Variants in TTC27 observed in about 807,000 individuals in gnomAD.
TTC27 encodes tetratricopeptide repeat domain 27, also known as tetratricopeptide repeat protein 27.
Under a neutral mutation model 115.9 loss-of-function variants are expected in TTC27, and 79 were observed. The observed-to-expected ratio is 0.68, with a 90% CI of 0.57 to 0.82. TTC27 has a LOEUF of 0.82. Among genes scored for constraint, TTC27 ranks in the 40% least tolerant of loss-of-function variants. TTC27 has a pLI of 0.00. For missense variants in TTC27, 1,054 were observed against 993.1 expected, an observed-to-expected ratio of 1.06 and a Z score of -0.82; for synonymous variants, 401 against 356.0, an observed-to-expected ratio of 1.13 and a Z score of -1.42.
At chr2:32,678,206 G>C (rs1176245267) in intron 8 of TTC27, among the ~76,000 whole-genome samples, 3 of 145,560 alleles carry the variant, frequency 2.1e-5, no homozygotes, top group Non-Finnish European at 3.0e-5. Flanking sequence ...AATGAGCCAA[G>C]TGTGTGCCAC....
chr2:32,781,704 C>G (rs918627406), intron 14 of TTC27, among the ~76,000 whole-genome samples: 1 of 152,160 alleles, frequency 6.6e-6, no homozygotes, highest in Non-Finnish European at 1.5e-5. Context: ...TCTTGGCCTC[C>G]TAAAGTGCTG....
chr2:32,667,379 T>C (rs1420506271), intron 7 of TTC27, among the ~76,000 whole-genome samples: 1 of 151,856 alleles, frequency 6.6e-6, no homozygotes, highest in Non-Finnish European at 1.5e-5. Context: ...TTAGTATTTA[T>C]GCATGTGTTT....
intron 19 of TTC27, among the ~76,000 whole-genome samples, chr2:32,820,459 A>G (rs1181351451): frequency 2.0e-5 from 3 of 152,242 alleles, no homozygotes; most frequent in Non-Finnish European, 4.4e-5. Flanking sequence ...TTGAACATAG[A>G]ATATATTTGT....
chr2:32,663,359 T>C, intron 5 of TTC27, among the ~76,000 whole-genome samples: 1 of 152,168 alleles, frequency 6.6e-6, no homozygotes, highest in East Asian at 1.9e-4. Flanking sequence ...AAAAGCTTAG[T>C]ATCTGGGTCA....
chr2:32,805,700 G>A (rs1176028067), intron 16 of TTC27, among the ~76,000 whole-genome samples: 1 of 152,152 alleles, frequency 6.6e-6, no homozygotes, highest in Non-Finnish European at 1.5e-5. Context: ...CCAGCAATGT[G>A]GTGTTACTGT....
intron 15 of TTC27, among the ~76,000 whole-genome samples, chr2:32,785,927 A>T (rs1225119166): frequency 3.4e-5 from 4 of 117,450 alleles, no homozygotes; most frequent in African/African-American, 1.5e-4. Flanking sequence ...CAATACTGAA[A>T]TTTCCAGTTA....
At chr2:32,669,579 T>C (rs925070328) in intron 7 of TTC27, among the ~76,000 whole-genome samples, 8 of 152,034 alleles carry the variant, frequency 5.3e-5, no homozygotes, top group African/African-American at 1.7e-4. Context: ...ACAAAACATA[T>C]CCTGATTGGA....
rs114897131 is a variant in TTC27, at chr2:32,723,349, T to C, written c.1234-10479T>C. Reference sequence around the variant, plus strand: ...GCTCTTGGTGGGGGTGGTTAAAATATAGATCTTCAGCCTAGCCCGCAGAGA... The same window carrying C: ...GCTCTTGGTGGGGGTGGTTAAAATACAGATCTTCAGCCTAGCCCGCAGAGA... On this transcript the variant is annotated intron_variant, in intron 10 of 19. Transcript: ENST00000317907. 2.5e-3 allele frequency among the ~76,000 whole-genome samples: 380 copies of C among 152,232 alleles called. 1 individual carries two copies. The highest frequency in any genetic ancestry group is 8.7e-3 in the African/African-American group (361 of 41,552).
In TTC27 at chr2:32,758,493, C is replaced by T. The variant is rs201317794; in HGVS notation, c.1654C>T (p.Arg552Cys). The T allele has an allele frequency of 7.2e-5, 117 of 1,614,140 alleles. No homozygotes were observed. Among genetic ancestry groups the T allele is most frequent in the South Asian group, 2.6e-4 (24 of 91,080 alleles). Reference sequence around the variant, plus strand: ...TCAAGAGTGTGTAGAGTGCTTCGAACGCTCGGTTAAGATTAATCCCATGCA... The same window carrying T: ...TCAAGAGTGTGTAGAGTGCTTCGAATGCTCGGTTAAGATTAATCCCATGCA... The part of the protein sequence containing the change: ...EFQECVECFE[R>C]SVKINPMQLG... Residue 552 changes from arginine (R) to cysteine (C), a missense_variant, in exon 13 of 20, where the codon CGC becomes TGC. By Grantham distance (180) the Arg-to-Cys change is radical. Coordinates refer to ENST00000317907, the MANE Select transcript of TTC27 (RefSeq NM_017735.5).
rs1451380264 is a variant in TTC27 at position 32,723,722 on chromosome 2, C to G, written c.1234-10106C>G. Among the ~76,000 whole-genome samples, 14 of 96,954 alleles carry G rather than the reference C, an allele frequency of 1.4e-4. 1 individual carries two copies. Among genetic ancestry groups the G allele is most frequent in the Admixed American group, 1.3e-3 (12 of 9,584 alleles). 63.6% of individuals were successfully genotyped at this position (96,954 alleles called of 152,430 possible). ...TCCCTCCCTCCCTCCCTCCCTCCCT[C>G]CCTCCCTCCTTCCTTCCTTCCTTCC... On this transcript the variant is annotated intron_variant, in intron 10 of 19. Transcript: ENST00000317907.
At position 32,628,073 on chromosome 2, in the gene TTC27, C is replaced by G. The variant is rs952488675; in HGVS notation, c.-220C>G. The G allele has an allele frequency of 9.2e-6, 5 of 542,522 alleles. No individual in the cohort carries two copies. Among genetic ancestry groups the G allele is most frequent in the Non-Finnish European group, 1.6e-5 (5 of 305,708 alleles). The allele number at this position is 542,522 out of a possible 1,614,324, so 33.6% of individuals were successfully genotyped here. On this transcript the variant is annotated 5_prime_UTR_variant, in exon 1 of 20. Coordinates refer to ENST00000317907, the MANE Select transcript of TTC27 (RefSeq NM_017735.5). ...TTCTTCTCCTAGGCGGAAGCCAGAC[C>G]AGAGAGCGTGCGTGTTTTTCCCAGG...
chr2:32,730,388 C>A (rs910566686), intron 10 of TTC27, among the ~76,000 whole-genome samples: 1 of 152,028 alleles, frequency 6.6e-6, no homozygotes, highest in Non-Finnish European at 1.5e-5. Flanking sequence ...CTTCACTTGC[C>A]GTCACTGATT....
At chr2:32,632,871 G>A (rs1457272013) in intron 2 of TTC27, among the ~76,000 whole-genome samples, 2 of 152,204 alleles carry the variant, frequency 1.3e-5, no homozygotes, top group African/African-American at 4.8e-5. Flanking sequence ...TAACTAAGTG[G>A]CTAAGAATTA....
intron 5 of TTC27, among the ~76,000 whole-genome samples, chr2:32,663,412 T>G (rs1665628049): frequency 6.6e-6 from 1 of 152,154 alleles, no homozygotes; most frequent in Admixed American, 6.5e-5. Context: ...GGACTTCCCT[T>G]GGCTAGGAGA....
intron 4 of TTC27, among the ~76,000 whole-genome samples, chr2:32,647,600 T>C (rs766069623): frequency 2.0e-5 from 3 of 152,214 alleles, no homozygotes; most frequent in Non-Finnish European, 4.4e-5. Flanking sequence ...TATAACACTT[T>C]AGAAGCGAAC....
chr2:32,662,158 A>G (rs185623362), intron 5 of TTC27, among the ~76,000 whole-genome samples: 179 of 152,266 alleles, frequency 1.2e-3, no homozygotes, highest in African/African-American at 4.1e-3. Flanking sequence ...GTGCTGCTGG[A>G]TTCAGTTTGC....
intron 7 of TTC27, among the ~76,000 whole-genome samples, chr2:32,667,852 G>C (rs111948161): frequency 6.8e-6 from 1 of 147,520 alleles, no homozygotes; most frequent in Non-Finnish European, 1.5e-5. Context: ...TCAGGAGTTC[G>C]AGCCCAGTCT....
intron 12 of TTC27, among the ~76,000 whole-genome samples, chr2:32,752,865 C>T (rs1256827983): frequency 6.6e-6 from 1 of 152,094 alleles, no homozygotes; most frequent in East Asian, 1.9e-4. Flanking sequence ...TGCTCCTGGC[C>T]AGGATGAAGT....
intron 4 of TTC27, among the ~76,000 whole-genome samples, chr2:32,648,824 A>G (rs1664969957): frequency 6.6e-6 from 1 of 152,034 alleles, no homozygotes; most frequent in African/African-American, 2.4e-5. Flanking sequence ...CAACCTGGGC[A>G]ACATGGCAAA....
Sources: gnomAD v4.1 joint callset for allele counts (sites outside exome capture counted in the v4.1 genomes callset) on GRCh38, gnomAD v4.1.1 for gene constraint, MANE v1.5 for transcripts, NCBI Gene and HGNC (gene_info 2026-07-23, HGNC 2026-07-21) for gene names.